The following GCHFR variants were observed in gnomAD, a reference collection of about 807,000 sequenced individuals.
The protein encoded by GCHFR is GTP cyclohydrolase I feedback regulator.
Under a neutral mutation model 10.6 loss-of-function variants are expected in GCHFR, and 12 were observed. The observed-to-expected ratio is 1.13, with a 90% CI of 0.72 to 1.83. The LOEUF is 1.83. Ranked by LOEUF, GCHFR falls within the 40% of genes most tolerant of loss-of-function variation. The pLI is 0.00. For synonymous variants in GCHFR, 54 were observed against 43.7 expected, an observed-to-expected ratio of 1.24 and a Z score of -0.93; for missense variants, 116 against 110.6, an observed-to-expected ratio of 1.05 and a Z score of -0.22.
chr15:40,765,866 C>T lies in GCHFR; in HGVS notation c.76C>T (p.Pro26Ser). 2 of 1,586,028 alleles carry T rather than the reference C, an allele frequency of 1.3e-6. No individual in the cohort carries two copies. The highest frequency in any genetic ancestry group is 1.7e-6 in the Non-Finnish European group (2 of 1,161,566). The change falls in exon 2 of 3, where the codon CCA becomes TCA. Residue 26 changes from proline to serine, a missense_variant. Transcript: ENST00000260447. The part of the protein sequence containing the change: ...PTMVGDEQSD[P>S]ELMQHLGASK... The stretch of plus-strand genomic sequence containing the variant: ...TATGGTGGGCGATGAACAGTCGGAT[C>T]CAGAGCTGATGCAGCATCTGGGGGC...
rs1035217596 is a variant in GCHFR at position 40,764,115 on chromosome 15, G to A, written c.-66G>A. ...CAGCTGCGCGTCGCAGTCCCGACGC[G>A]AGAAGGGCTGGAGTCGGCGTCCAGC... On this transcript the variant is annotated 5_prime_UTR_variant, in exon 1 of 3. Transcript: ENST00000260447. The A allele has an allele frequency of 8.1e-6, 12 of 1,475,628 alleles. No individual in the cohort carries two copies. The highest frequency in any genetic ancestry group is 1.1e-5 in the Non-Finnish European group (12 of 1,096,470). The allele number at this position is 1,475,628 out of a possible 1,614,324, so 91.4% of individuals were successfully genotyped here. A position where few individuals can be genotyped will look rare whatever the true frequency, so the allele number is the denominator to read the frequency against.
rs1282184040 is a variant in GCHFR at position 40,766,859 on chromosome 15, GCCT to G, written c.132-360_132-358del. 1.9e-4 allele frequency: 32 copies of G among 164,958 alleles called. No homozygotes were observed. In the East Asian group the frequency reaches 5.2e-3, roughly 27 times the overall value. The allele number at this position is 164,958 out of a possible 1,614,324, so 10.2% of individuals were successfully genotyped here. The stretch of plus-strand genomic sequence containing the variant: ...GCAATCATGGCTCACTGCAGCCTCA[GCCT>G]CCTCCTACCTGGAAGCCTGGGTGGG... On this transcript the variant is annotated intron_variant, in intron 2 of 2. Transcript: ENST00000260447.
chr15:40,764,745 A>G (rs1888911566), intron 1 of GCHFR: 1 of 153,030 alleles, frequency 6.5e-6, no homozygotes, highest in African/African-American at 2.4e-5. Flanking sequence ...AAGAAAAGAA[A>G]GAACACCCTG....
intron 2 of GCHFR, chr15:40,766,130 C>T (rs75977225): frequency 0.013 from 5,188 of 406,810 alleles, 231 homozygotes; most frequent in African/African-American, 0.097. Flanking sequence ...TGAAAGCTTT[C>T]CACATCCTTA....
Position 40,767,252 on chromosome 15 carries a change from C to T in GCHFR, c.158C>T (p.Pro53Leu). 1.9e-6 allele frequency: 3 copies of T among 1,591,750 alleles called. No homozygotes were observed. Among genetic ancestry groups the T allele is most frequent in the Non-Finnish European group, 2.6e-6 (3 of 1,169,446 alleles). The change falls in exon 3 of 3, where the codon CCC becomes CTC. Residue 53 changes from proline to leucine, a missense_variant. Coordinates refer to ENST00000260447, the MANE Select transcript of GCHFR (RefSeq NM_005258.3). ...TATGAATACTACGTCGATGACCCTC[C>T]CCGCATAGTCCTGGACAAGCTGGAA... ...NFYEYYVDDP[P>L]RIVLDKLERR...
intron 2 of GCHFR, 102 bp downstream of exon 2, chr15:40,766,023 G>T (rs1360675514): frequency 7.7e-6 from 4 of 522,664 alleles, no homozygotes; most frequent in South Asian, 6.6e-5. Flanking sequence ...CCCAGCATCA[G>T]AGCCCCCTGC....
chr15:40,766,403 A>C (rs1350875361), intron 2 of GCHFR: 1 of 152,358 alleles, frequency 6.6e-6, no homozygotes, highest in Non-Finnish European at 1.5e-5. Flanking sequence ...CCATGTCTAA[A>C]CTGTGACTAC....
rs767312071 is a variant in GCHFR at position 40,764,134 on chromosome 15, G to A, written c.-47G>A. On this transcript the variant is annotated 5_prime_UTR_variant, in exon 1 of 3. Transcript: ENST00000260447. ...CGACGCGAGAAGGGCTGGAGTCGGC[G>A]TCCAGCCTAGAGCCCCCGGTGGGAG... is the stretch of plus-strand genomic sequence containing the variant. The A allele has an allele frequency of 2.4e-5, 37 of 1,519,172 alleles. No individual in the cohort carries two copies. The Middle Eastern group carries it at 8.5e-4, about 35-fold the overall frequency. 94.1% of individuals were successfully genotyped at this position (1,519,172 alleles called of 1,614,324 possible).
rs1888903232 is a variant in GCHFR, at chr15:40,764,411, C to T, written c.36+195C>T. The T allele has an allele frequency of 1.4e-5, 7 of 500,520 alleles. No homozygotes were observed. In the South Asian group the frequency reaches 1.7e-4, roughly 12 times the overall value. The allele number at this position is 500,520 out of a possible 1,614,324, so 31.0% of individuals were successfully genotyped here. On this transcript the variant is annotated intron_variant, in intron 1 of 2. Transcript: ENST00000260447. ...CTTCCGGGACTCAGCGAGCTCTGGC[C>T]GGCCTGAAGCCTTTATTGCCGCGAA...
rs1888979660 is a variant in GCHFR at position 40,767,590 on chromosome 15, G to A, written c.*241G>A. The stretch of plus-strand genomic sequence containing the variant: ...CCTCCTGCTTCGGGCCTGGGCCGAG[G>A]GCCTTGTGTAGGCCATGTTCCTCGG... On this transcript the variant is annotated 3_prime_UTR_variant, in exon 3 of 3. Coordinates refer to ENST00000260447, the MANE Select transcript of GCHFR (RefSeq NM_005258.3). 5.0e-6 allele frequency: 3 copies of A among 595,018 alleles called. No individual in the cohort carries two copies. Among genetic ancestry groups the A allele is most frequent in the Non-Finnish European group, 8.4e-6 (3 of 355,804 alleles). 36.9% of individuals were successfully genotyped at this position (595,018 alleles called of 1,614,324 possible).
Position 40,764,737 on chromosome 15 carries a change from G to C in GCHFR, c.36+521G>C, listed in dbSNP as rs138225432. ...TATCCCTGAAGCTTTAGGGAAGGAA[G>C]AAAAGAAAGAACACCCTGCTTGGAA... On this transcript the variant is annotated intron_variant, in intron 1 of 2. Coordinates refer to ENST00000260447, the MANE Select transcript of GCHFR (RefSeq NM_005258.3). 31 of 153,466 alleles carry C rather than the reference G, an allele frequency of 2.0e-4. No individual in the cohort carries two copies. In the East Asian group the frequency reaches 5.7e-3, roughly 28 times the overall value. The allele number at this position is 153,466 out of a possible 1,614,324, so 9.5% of individuals were successfully genotyped here.
Position 40,767,254 on chromosome 15 carries a change from C to T in GCHFR, c.160C>T (p.Arg54Cys), listed in dbSNP as rs752762590. The T allele has an allele frequency of 3.3e-5, 52 of 1,592,734 alleles. No individual in the cohort carries two copies. The highest frequency in any genetic ancestry group is 5.7e-5 in the South Asian group (5 of 88,112). The change falls in exon 3 of 3, where the codon CGC (arginine) becomes TGC (cysteine). Residue 54 changes from arginine to cysteine, a missense_variant. By Grantham distance (180) the Arg-to-Cys change is radical. Transcript: ENST00000260447. Reference sequence around the variant, plus strand: ...TGAATACTACGTCGATGACCCTCCCCGCATAGTCCTGGACAAGCTGGAACG... The same window carrying T: ...TGAATACTACGTCGATGACCCTCCCTGCATAGTCCTGGACAAGCTGGAACG... ...FYEYYVDDPP[R>C]IVLDKLERRG...
In GCHFR at chr15:40,764,151, C is replaced by A. The variant is rs573965855; in HGVS notation, c.-30C>A. The A allele has an allele frequency of 6.5e-7, 1 of 1,541,736 alleles. No individual in the cohort carries two copies. The highest frequency in any genetic ancestry group is 2.0e-5 in the Admixed American group (1 of 50,970). On this transcript the variant is annotated 5_prime_UTR_variant, in exon 1 of 3. Transcript: ENST00000260447. ...GAGTCGGCGTCCAGCCTAGAGCCCC[C>A]GGTGGGAGCCAGGCCGGGACGCGTG...
chr15:40,765,960 C>A, intron 2 of GCHFR, 39 bp downstream of exon 2: 5 of 1,071,972 alleles, frequency 4.7e-6, no homozygotes, highest in South Asian at 1.5e-5. Context: ...TCCCTGCCAG[C>A]CCCTAGACCT....
chr15:40,765,996 C>A (rs1252196888), intron 2 of GCHFR, 75 bp downstream of exon 2: 2 of 683,534 alleles, frequency 2.9e-6, no homozygotes, highest in East Asian at 6.3e-5. Context: ...ATACAACCTC[C>A]AAGCCCAGGG....
rs532506013 is a variant in GCHFR at position 40,767,270 on chromosome 15, A to G, written c.176A>G (p.Lys59Arg). ...GACCCTCCCCGCATAGTCCTGGACAAGCTGGAACGCAGGGGCTTCCGTGTG... is the reference window on the plus strand; with the variant it reads ...GACCCTCCCCGCATAGTCCTGGACAGGCTGGAACGCAGGGGCTTCCGTGTG... ...VDDPPRIVLD[K>R]LERRGFRVLS... Residue 59 changes from lysine (K) to arginine (R), a missense_variant, in exon 3 of 3, where the codon AAG (lysine) becomes AGG (arginine). Physicochemically the swap from Lys to Arg is conservative, Grantham distance 26. Coordinates refer to ENST00000260447, the MANE Select transcript of GCHFR (RefSeq NM_005258.3). 1.9e-6 allele frequency: 3 copies of G among 1,604,084 alleles called. No individual in the cohort carries two copies. The highest frequency in any genetic ancestry group is 2.3e-5 in the East Asian group (1 of 43,646).
intron 1 of GCHFR, 79 bp downstream of exon 1, chr15:40,764,295 T>C: frequency 7.7e-7 from 1 of 1,293,934 alleles, no homozygotes; most frequent in East Asian, 3.0e-5. Context: ...GCCTCCCTCC[T>C]GGGCTGCACC....
rs764616321 is a variant in GCHFR, at chr15:40,767,259, A to C, written c.165A>C (p.Ile55=). The C allele has an allele frequency of 8.8e-6, 14 of 1,594,838 alleles. No individual in the cohort carries two copies. Among genetic ancestry groups the C allele is most frequent in the Admixed American group, 1.7e-5 (1 of 57,690 alleles). Residue 55 remains isoleucine (I), a synonymous_variant, in exon 3 of 3, where the codon ATA becomes ATC. Transcript: ENST00000260447. The part of the protein sequence containing the change: ...YEYYVDDPPR[I]VLDKLERRGF... ...ACTACGTCGATGACCCTCCCCGCAT[A>C]GTCCTGGACAAGCTGGAACGCAGGG...
At chr15:40,764,330 GC>G in intron 1 of GCHFR, 114 bp downstream of exon 1, 1 of 828,972 alleles carries the variant, frequency 1.2e-6, no homozygotes. Flanking sequence ...CCGGGAACCC[GC>G]CCAGACACGC....
Sources: allele counts gnomAD v4.1 joint callset, GRCh38; gene constraint gnomAD v4.1.1; transcripts MANE v1.5; gene names NCBI Gene and HGNC (gene_info 2026-07-23, HGNC 2026-07-21).